Variants in ACBD6 observed in about 807,000 individuals in gnomAD.
ACBD6 encodes acyl-CoA-binding domain-containing protein 6.
A neutral mutation model predicts 37.2 loss-of-function variants in ACBD6; 28 were observed. The ratio of observed to expected loss-of-function variants is 0.75; its 90% CI spans 0.56 to 1.03. The LOEUF (loss-of-function observed/expected upper bound fraction) is 1.03, where lower values mean the gene tolerates loss of function less well. ACBD6 is among the 50% of genes least tolerant of loss of function. The pLI is 0.00. For missense variants in ACBD6, 340 were observed against 337.4 expected, an observed-to-expected ratio of 1.01 and a Z score of -0.06; for synonymous variants, 113 against 126.8, an observed-to-expected ratio of 0.89 and a Z score of 0.73.
At chr1:180,372,831 C>T (rs1301952757) in intron 6 of ACBD6, among the ~76,000 whole-genome samples, 1 of 152,178 alleles carries the variant, frequency 6.6e-6, no homozygotes, top group Admixed American at 6.5e-5. Flanking sequence ...CAAGACTTTG[C>T]CCTTAACAGA....
chr1:180,484,590 G>A (rs1033952534), intron 3 of ACBD6, among the ~76,000 whole-genome samples: 1 of 151,996 alleles, frequency 6.6e-6, no homozygotes, highest in Non-Finnish European at 1.5e-5. Context: ...ATAAACTTAT[G>A]GTTTTTAGTA....
chr1:180,483,161 C>T (rs190992259), intron 3 of ACBD6, among the ~76,000 whole-genome samples: 2 of 152,180 alleles, frequency 1.3e-5, no homozygotes, highest in East Asian at 1.9e-4. Flanking sequence ...TTCTAGAGTA[C>T]GTCAGGCATG....
chr1:180,292,430 AAAT>A (rs1454856197), intron 7 of ACBD6, among the ~76,000 whole-genome samples: 1 of 152,234 alleles, frequency 6.6e-6, no homozygotes, highest in Admixed American at 6.5e-5. Context: ...AGGCTACTGC[AAAT>A]AATATCTTTT....
chr1:180,297,636 G>C (rs1364078221), intron 7 of ACBD6, among the ~76,000 whole-genome samples: 1 of 152,290 alleles, frequency 6.6e-6, no homozygotes, highest in East Asian at 1.9e-4. Flanking sequence ...CACAGACAGG[G>C]AGGAAGAGAC....
At chr1:180,441,645 T>C (rs1049753863) in intron 3 of ACBD6, among the ~76,000 whole-genome samples, 2 of 152,220 alleles carry the variant, frequency 1.3e-5, no homozygotes, top group African/African-American at 2.4e-5. Flanking sequence ...CTATTGTAAA[T>C]GGAATTTTTT....
At chr1:180,435,185 C>T in intron 3 of ACBD6, 1 of 684,428 alleles carries the variant, frequency 1.5e-6, no homozygotes. Context: ...CGGATTTCAA[C>T]ATCGCTGGCC....
chr1:180,334,291 C>T (rs192624004), intron 6 of ACBD6, among the ~76,000 whole-genome samples: 243 of 152,276 alleles, frequency 1.6e-3, no homozygotes, highest in African/African-American at 5.5e-3. Context: ...ACACCTCACA[C>T]GGCCGGGTAC....
intron 3 of ACBD6, among the ~76,000 whole-genome samples, chr1:180,476,791 G>C (rs925323822): frequency 6.6e-6 from 1 of 151,818 alleles, no homozygotes; most frequent in Admixed American, 6.6e-5. Context: ...ATGCCATTGC[G>C]CTCAGCCTGG....
intron 5 of ACBD6, among the ~76,000 whole-genome samples, chr1:180,411,048 C>T (rs1238610781): frequency 6.6e-6 from 1 of 152,142 alleles, no homozygotes; most frequent in East Asian, 1.9e-4. Context: ...GGATTCAAGA[C>T]TTCAGTGGAA....
At chr1:180,314,792 T>C (rs947297907) in intron 6 of ACBD6, 70 bp from the exon 7 acceptor site, 13 of 1,190,374 alleles carry the variant, frequency 1.1e-5, no homozygotes, top group Non-Finnish European at 1.6e-5. Flanking sequence ...ACATAAACTG[T>C]AGCAAATTTA....
chr1:180,335,283 G>A lies in ACBD6; in HGVS notation c.664-20561C>T, dbSNP rs572905213. ...AGAGAAAGGTCAGGTAACCCACAAAGGGAAGCCCGTCATACTAACAGCTGA... is the reference window on the plus strand; with the variant it reads ...AGAGAAAGGTCAGGTAACCCACAAAAGGAAGCCCGTCATACTAACAGCTGA... On this transcript the variant is annotated intron_variant, in intron 6 of 7. Coordinates refer to ENST00000367595, the MANE Select transcript of ACBD6 (RefSeq NM_032360.4). 9.8e-4 allele frequency among the ~76,000 whole-genome samples: 149 copies of A among 152,288 alleles called. No homozygotes were observed. In the South Asian group the frequency reaches 0.017, roughly 18 times the overall value.
chr1:180,335,560 C>T (rs1320172242), intron 6 of ACBD6, among the ~76,000 whole-genome samples: 3 of 152,044 alleles, frequency 2.0e-5, no homozygotes, highest in Admixed American at 6.6e-5. Context: ...CAAAAACATG[C>T]CAAATTGTAA....
chr1:180,354,156 G>A (rs75086248), intron 6 of ACBD6, among the ~76,000 whole-genome samples: 1 of 152,214 alleles, frequency 6.6e-6, no homozygotes, highest in Non-Finnish European at 1.5e-5. Context: ...CCCAGTGGGG[G>A]AGGTAGGCCA....
chr1:180,274,756 T>C, exon 10 of ACBD6: 1 of 719,502 alleles, frequency 1.4e-6, no homozygotes, highest in Non-Finnish European at 2.2e-6. Flanking sequence ...ATTGTTTCCC[T>C]GGGGAAGCAG....
intron 6 of ACBD6, among the ~76,000 whole-genome samples, chr1:180,366,015 T>C (rs375984880): frequency 2.6e-5 from 4 of 152,210 alleles, no homozygotes; most frequent in African/African-American, 9.6e-5. Context: ...TTCTGTGTAA[T>C]TCCTTCATCA....
chr1:180,443,661 G>A (rs906448378), intron 3 of ACBD6, among the ~76,000 whole-genome samples: 3 of 152,066 alleles, frequency 2.0e-5, no homozygotes, highest in Non-Finnish European at 4.4e-5. Context: ...CGCCCAGGCT[G>A]GAGTGCAGTG....
chr1:180,399,019 T>C (rs563121014), intron 5 of ACBD6, among the ~76,000 whole-genome samples: 1 of 152,270 alleles, frequency 6.6e-6, no homozygotes, highest in Admixed American at 6.5e-5. Flanking sequence ...TAAACTAGGA[T>C]CTATTCTTTA....
At chr1:180,420,709 A>G (rs757504673) in intron 4 of ACBD6, among the ~76,000 whole-genome samples, 14 of 152,350 alleles carry the variant, frequency 9.2e-5, no homozygotes, top group South Asian at 4.1e-4. Flanking sequence ...GAACCAATCC[A>G]GAAAAAGGGT....
intron 6 of ACBD6, among the ~76,000 whole-genome samples, chr1:180,348,840 T>G (rs1249710416): frequency 6.6e-6 from 1 of 152,212 alleles, no homozygotes; most frequent in African/African-American, 2.4e-5. Flanking sequence ...ATTCAACTGC[T>G]TTTACTAAGA....
Sources: gnomAD v4.1 joint callset for allele counts (sites outside exome capture counted in the v4.1 genomes callset) on GRCh38, gnomAD v4.1.1 for gene constraint, MANE v1.5 for transcripts, NCBI Gene and HGNC (gene_info 2026-07-23, HGNC 2026-07-21) for gene names.